The following SGCZ variants were observed in gnomAD, a reference collection of about 807,000 sequenced individuals.
The protein encoded by SGCZ is sarcoglycan zeta, also known as zeta-sarcoglycan.
SGCZ carries 40 observed loss-of-function variants against 41.3 expected under a neutral mutation model. The observed-to-expected ratio is 0.97, with a 90% CI of 0.75 to 1.26. SGCZ has a LOEUF of 1.26. Among genes scored for constraint, SGCZ ranks in the 50% most tolerant of loss-of-function variants. The probability of loss-of-function intolerance (pLI) is 0.00; values close to 1 mark genes in which losing one functional copy is unlikely to be tolerated. For missense variants in SGCZ, 552 were observed against 369.8 expected (o/e 1.49, Z -4.04); for synonymous variants, 206 against 137.5 (o/e 1.50, Z -3.49).
chr8:14,705,433 A>G (rs763761076), intron 1 of SGCZ, among the ~76,000 whole-genome samples: 7 of 151,954 alleles, frequency 4.6e-5, no homozygotes, highest in Non-Finnish European at 5.9e-5. Context: ...CCATTTCCTC[A>G]TCTATAAAAT....
At chr8:14,118,522 T>G (rs1802595163) in intron 5 of SGCZ, among the ~76,000 whole-genome samples, 1 of 152,218 alleles carries the variant, frequency 6.6e-6, no homozygotes, top group South Asian at 2.1e-4. Context: ...GCCTGTTCAC[T>G]CTGATGATAG....
intron 5 of SGCZ, among the ~76,000 whole-genome samples, chr8:14,146,647 C>T (rs535233267): frequency 3.2e-4 from 49 of 151,950 alleles, no homozygotes; most frequent in Non-Finnish European, 5.6e-4. Context: ...CCGAGGCGGG[C>T]GGATCACGAG....
intron 7 of SGCZ, among the ~76,000 whole-genome samples, chr8:14,092,662 A>G (rs974530760): frequency 6.6e-6 from 1 of 151,702 alleles, no homozygotes; most frequent in Non-Finnish European, 1.5e-5. Context: ...TAAGGGGGAA[A>G]CCCCTTTCAC....
rs143314734 is a variant in SGCZ at position 15,174,707 on chromosome 8, CG to C, written c.39+62877del. Among the ~76,000 whole-genome samples the C allele has an allele frequency of 2.3e-3, 344 of 152,298 alleles. 1 individual carries two copies. Among genetic ancestry groups the C allele is most frequent in the African/African-American group, 7.7e-3 (320 of 41,556 alleles). Reference sequence around the variant, plus strand: ...ATTTATCCACATGCCTTCCAACACTCGGTTCAGACAGAATTCTTAATTGTTG... The same window carrying C: ...ATTTATCCACATGCCTTCCAACACTCGTTCAGACAGAATTCTTAATTGTTG... On this transcript the variant is annotated intron_variant, in intron 1 of 7. Transcript: ENST00000382080.
intron 1 of SGCZ, among the ~76,000 whole-genome samples, chr8:15,147,530 G>A (rs1308100128): frequency 4.6e-5 from 7 of 152,114 alleles, no homozygotes; most frequent in South Asian, 4.1e-4. Context: ...CACCTCCCTC[G>A]GCCCCACAAA....
intron 2 of SGCZ, among the ~76,000 whole-genome samples, chr8:14,478,057 G>C (rs7008372): frequency 6.6e-6 from 1 of 152,128 alleles, no homozygotes; most frequent in East Asian, 1.9e-4. Flanking sequence ...CCAAATTCTG[G>C]TGAGGATACT....
At chr8:14,703,819 G>C (rs980811527) in intron 1 of SGCZ, among the ~76,000 whole-genome samples, 2 of 151,938 alleles carry the variant, frequency 1.3e-5, no homozygotes, top group South Asian at 2.1e-4. Flanking sequence ...TGAAAACTGA[G>C]AATGAAAGAG....
chr8:14,706,492 T>G lies in SGCZ; in HGVS notation c.40-151566A>C, dbSNP rs558815848. On this transcript the variant is annotated intron_variant, in intron 1 of 7. Transcript: ENST00000382080. ...GATTGTAGACACATGTGTAAACCTT[T>G]GCCAAGTATTTCCAGAGTTCGTCCA... 3.3e-5 allele frequency among the ~76,000 whole-genome samples: 5 copies of G among 152,262 alleles called. No individual in the cohort carries two copies. The South Asian group carries it at 1.0e-3, about 32-fold the overall frequency.
intron 2 of SGCZ, among the ~76,000 whole-genome samples, chr8:14,480,784 T>A (rs1367266179): frequency 1.3e-5 from 2 of 152,074 alleles, no homozygotes; most frequent in African/African-American, 4.8e-5. Flanking sequence ...TCTTCTATAT[T>A]TATTTCAAAA....
intron 3 of SGCZ, among the ~76,000 whole-genome samples, chr8:14,264,936 C>T (rs1476397126): frequency 2.6e-5 from 4 of 152,256 alleles, no homozygotes; most frequent in African/African-American, 9.6e-5. Flanking sequence ...GCACTCCGGC[C>T]TGGGTGACAG....
intron 1 of SGCZ, among the ~76,000 whole-genome samples, chr8:14,945,231 C>T (rs993738745): frequency 4.6e-5 from 7 of 151,882 alleles, no homozygotes; most frequent in Non-Finnish European, 1.0e-4. Context: ...ATGGAGAACA[C>T]AAATCATAAA....
intron 1 of SGCZ, among the ~76,000 whole-genome samples, chr8:14,842,871 G>A (rs1477305696): frequency 2.0e-5 from 3 of 152,164 alleles, no homozygotes; most frequent in African/African-American, 7.2e-5. Flanking sequence ...ACTGAAATTT[G>A]TCTGGAGCCA....
chr8:14,409,228 G>A (rs1799295123), intron 2 of SGCZ, among the ~76,000 whole-genome samples: 1 of 152,042 alleles, frequency 6.6e-6, no homozygotes, highest in African/African-American at 2.4e-5. Context: ...ATTAATATGA[G>A]CATGTATATT....
chr8:14,752,343 A>C (rs1799526132), intron 1 of SGCZ, among the ~76,000 whole-genome samples: 1 of 152,194 alleles, frequency 6.6e-6, no homozygotes, highest in African/African-American at 2.4e-5. Flanking sequence ...AATATCTCTT[A>C]AGCTGCTTGA....
chr8:14,468,968 G>A (rs1190217527), intron 2 of SGCZ, among the ~76,000 whole-genome samples: 1 of 151,970 alleles, frequency 6.6e-6, no homozygotes. Flanking sequence ...TGAATCTACT[G>A]TTATCCTGCC....
chr8:14,480,140 C>A (rs184720691), intron 2 of SGCZ, among the ~76,000 whole-genome samples: 1 of 152,308 alleles, frequency 6.6e-6, no homozygotes, highest in Non-Finnish European at 1.5e-5. Flanking sequence ...GGCTTATATT[C>A]TTCTACTTCT....
chr8:14,687,171 A>AAAAT lies in SGCZ; in HGVS notation c.40-132246_40-132245insATTT, dbSNP rs1554480726. Among the ~76,000 whole-genome samples the AAAAT allele has an allele frequency of 2.6e-3, 363 of 141,294 alleles. 1 individual carries two copies. Among genetic ancestry groups the AAAAT allele is most frequent in the Non-Finnish European group, 3.3e-3 (218 of 65,666 alleles). 92.7% of individuals were successfully genotyped at this position (141,294 alleles called of 152,430 possible). The stretch of plus-strand genomic sequence containing the variant: ...TTTTACTCACTTTAAAGAAAAAAAA[A>AAAAT]ATATATATATATATATATATTTTAA... On this transcript the variant is annotated intron_variant, in intron 1 of 7. Transcript: ENST00000382080.
intron 4 of SGCZ, among the ~76,000 whole-genome samples, chr8:14,174,375 T>C (rs1804479731): frequency 6.6e-6 from 1 of 152,122 alleles, no homozygotes; most frequent in South Asian, 2.1e-4. Flanking sequence ...TGCCAAACAA[T>C]TTTCTGGAGA....
At chr8:15,011,066 C>A (rs887940358) in intron 1 of SGCZ, among the ~76,000 whole-genome samples, 1 of 152,068 alleles carries the variant, frequency 6.6e-6, no homozygotes, top group Non-Finnish European at 1.5e-5. Flanking sequence ...TTTAAATTTC[C>A]AAAATGGACA....
Sources: allele counts gnomAD v4.1 joint callset (sites outside exome capture counted in the v4.1 genomes callset), GRCh38; gene constraint gnomAD v4.1.1; transcripts MANE v1.5; gene names NCBI Gene and HGNC (gene_info 2026-07-23, HGNC 2026-07-21).